Variants in PKHD1L1 observed in about 807,000 individuals in gnomAD.
The protein encoded by PKHD1L1 is PKHD1 like 1.
Under a neutral mutation model 462.9 loss-of-function variants are expected in PKHD1L1, and 434 were observed. The ratio of observed to expected loss-of-function variants is 0.94; its 90% CI spans 0.87 to 1.02. PKHD1L1 has a LOEUF of 1.02. Ranked by LOEUF, PKHD1L1 falls within the 50% of genes least tolerant of loss-of-function variation. PKHD1L1 has a pLI of 0.00. For missense variants in PKHD1L1, 5,202 were observed against 5,096.1 expected (o/e 1.02, Z -0.63); for synonymous variants, 1,781 against 1,750.0 (o/e 1.02, Z -0.44).
intron 50 of PKHD1L1, among the ~76,000 whole-genome samples, chr8:109,471,658 C>T (rs1817727561): frequency 6.6e-6 from 1 of 152,140 alleles, no homozygotes; most frequent in Admixed American, 6.6e-5. Context: ...GCCCATAGTG[C>T]TTCACAAAAT....
In PKHD1L1 at chr8:109,464,677, T is replaced by C. The variant is rs1428227291; in HGVS notation, c.7845T>C (p.Thr2615=). 14 of 1,613,590 alleles carry C rather than the reference T, an allele frequency of 8.7e-6. No individual in the cohort carries two copies. Among genetic ancestry groups the C allele is most frequent in the Admixed American group, 1.7e-5 (1 of 59,994 alleles). The change falls in exon 49 of 78, where the codon ACT becomes ACC. Residue 2615 remains threonine, a synonymous_variant. Coordinates refer to ENST00000378402, the MANE Select transcript of PKHD1L1 (RefSeq NM_177531.6). Reference sequence around the variant, plus strand: ...CCCTTGGCGAATTTTTTAACAATACTGTCCATTCTCAAGGTTGGTTTGGAA... The same window carrying C: ...CCCTTGGCGAATTTTTTAACAATACCGTCCATTCTCAAGGTTGGTTTGGAA... The part of the protein sequence containing the change: ...RVPLGEFFNN[T]VHSQGWFGMW...
intron 67 of PKHD1L1, among the ~76,000 whole-genome samples, chr8:109,501,126 C>T (rs1819389398): frequency 6.7e-6 from 1 of 149,502 alleles, no homozygotes; most frequent in Admixed American, 6.6e-5. Flanking sequence ...TTGATATTTA[C>T]CACCATATAA....
intron 60 of PKHD1L1, among the ~76,000 whole-genome samples, chr8:109,490,302 A>C (rs1818764831): frequency 6.6e-6 from 1 of 151,836 alleles, no homozygotes; most frequent in Non-Finnish European, 1.5e-5. Context: ...TCAAAGATCT[A>C]TAATAGTGGT....
chr8:109,522,157 T>C (rs1277336677), intron 73 of PKHD1L1, 29 bp from the exon 74 acceptor site: 1 of 1,557,206 alleles, frequency 6.4e-7, no homozygotes, highest in Non-Finnish European at 8.8e-7. Flanking sequence ...ACTTTTATAA[T>C]CCAAATGTCA....
At chr8:109,528,108 G>A (rs528925761) in intron 77 of PKHD1L1, among the ~76,000 whole-genome samples, 3 of 152,292 alleles carry the variant, frequency 2.0e-5, no homozygotes, top group African/African-American at 7.2e-5. Context: ...TATATGATTA[G>A]AGAAGACTGC....
intron 71 of PKHD1L1, among the ~76,000 whole-genome samples, chr8:109,514,302 C>T (rs1820153463): frequency 1.3e-5 from 2 of 152,144 alleles, no homozygotes; most frequent in Admixed American, 1.3e-4. Context: ...CCCTGATTTA[C>T]TTTTTTCTTT....
At chr8:109,497,318 A>G (rs1819147777) in intron 65 of PKHD1L1, 46 bp downstream of exon 65, 1 of 1,580,368 alleles carries the variant, frequency 6.3e-7, no homozygotes, top group African/African-American at 1.4e-5. Flanking sequence ...AATAACTTGG[A>G]GAAGGGTGGA....
intron 7 of PKHD1L1, 123 bp from the exon 8 acceptor site, chr8:109,388,956 G>A (rs780460428): frequency 1.3e-5 from 8 of 596,884 alleles, no homozygotes; most frequent in South Asian, 8.6e-5. Flanking sequence ...AGAAATTTTG[G>A]TTGTAGCAAC....
At chr8:109,475,847 CA>C (rs35419700) in intron 51 of PKHD1L1, among the ~76,000 whole-genome samples, 3,864 of 95,218 alleles carry the variant, frequency 0.041, 87 homozygotes, top group African/African-American at 0.084. Flanking sequence ...GACTCCATCT[CA>C]AAAAAAAAAA....
chr8:109,374,049 G>A (rs1301418826), intron 2 of PKHD1L1, among the ~76,000 whole-genome samples: 2 of 152,056 alleles, frequency 1.3e-5, no homozygotes, highest in African/African-American at 4.8e-5. Context: ...TTCAATTCCT[G>A]GATATCCTTG....
intron 18 of PKHD1L1, 146 bp downstream of exon 18, chr8:109,408,352 T>C (rs1200347647): frequency 1.3e-6 from 1 of 746,968 alleles, no homozygotes; most frequent in Non-Finnish European, 2.0e-6. Flanking sequence ...CACCACAATT[T>C]ATATACTGTG....
intron 19 of PKHD1L1, among the ~76,000 whole-genome samples, chr8:109,411,676 A>T (rs1241844444): frequency 6.6e-6 from 1 of 151,730 alleles, no homozygotes; most frequent in Admixed American, 6.6e-5. Flanking sequence ...CACATTTTGG[A>T]CTCTCTCTGA....
intron 77 of PKHD1L1, among the ~76,000 whole-genome samples, chr8:109,528,638 ACTCTACATTTAATTCTCCT>A (rs1318621456): frequency 2.0e-5 from 3 of 151,102 alleles, no homozygotes; most frequent in Non-Finnish European, 4.4e-5. Context: ...CTTCCTTCCC[ACTCTACATTTAATTCTCCT>A]CTCCCTTGGT....
intron 9 of PKHD1L1, among the ~76,000 whole-genome samples, chr8:109,391,087 C>T (rs562505194): frequency 1.3e-5 from 2 of 152,118 alleles, no homozygotes; most frequent in Non-Finnish European, 1.5e-5. Context: ...GTTGAAACCC[C>T]ATATTATAGA....
rs1811027273 is a variant in PKHD1L1 at position 109,362,478 on chromosome 8, G to A, written c.-103G>A. On this transcript the variant is annotated 5_prime_UTR_variant, in exon 1 of 78. Coordinates refer to ENST00000378402, the MANE Select transcript of PKHD1L1 (RefSeq NM_177531.6). The stretch of plus-strand genomic sequence containing the variant: ...GCGGCCCAGTTCCCCAGCTCTCCCG[G>A]GACGAAGCGGGCCCGCCAGCGAGTC... 8.4e-7 allele frequency: 1 copy of A among 1,190,924 alleles called. No individual in the cohort carries two copies. Among genetic ancestry groups the A allele is most frequent in the Non-Finnish European group, 1.2e-6 (1 of 828,532 alleles). The allele number at this position is 1,190,924 out of a possible 1,614,324, so 73.8% of individuals were successfully genotyped here.
chr8:109,473,094 T>A (rs1817805425), intron 50 of PKHD1L1, among the ~76,000 whole-genome samples: 2 of 152,134 alleles, frequency 1.3e-5, no homozygotes, highest in Non-Finnish European at 2.9e-5. Flanking sequence ...AAAACCAACA[T>A]ACTTGAAATG....
At chr8:109,480,788 G>A (rs1818237911) in intron 55 of PKHD1L1, 2 of 262,848 alleles carry the variant, frequency 7.6e-6, no homozygotes, top group Admixed American at 4.5e-5. Context: ...CCAGAAACTT[G>A]GTTATTAATA....
Position 109,466,686 on chromosome 8 carries a change from C to T in PKHD1L1, c.8522C>T (p.Ser2841Leu), listed in dbSNP as rs1169293829. The change falls in exon 50 of 78, where the codon TCA becomes TTA. Residue 2841 changes from serine to leucine, a missense_variant. Transcript: ENST00000378402. Reference sequence around the variant, plus strand: ...TTCCCTGGATCAGTCTGTGATGCTTCAGTCAGCTTTCACCGTTTAGCGTTC... The same window carrying T: ...TTCCCTGGATCAGTCTGTGATGCTTTAGTCAGCTTTCACCGTTTAGCGTTC... ...IGFPGSVCDA[S>L]VSFHRLAFNQ... 2.5e-6 allele frequency: 4 copies of T among 1,612,652 alleles called. No individual in the cohort carries two copies. The highest frequency in any genetic ancestry group is 3.4e-6 in the Non-Finnish European group (4 of 1,179,360).
chr8:109,388,890 G>A (rs1457291), intron 7 of PKHD1L1, among the ~76,000 whole-genome samples, 189 bp from the exon 8 acceptor site: 84,877 of 151,898 alleles, frequency 0.56, 23,879 homozygotes, highest in South Asian at 0.65. Context: ...TTTTATTGTT[G>A]TATAAAATTT....
Sources: gnomAD v4.1 joint callset for allele counts (sites outside exome capture counted in the v4.1 genomes callset) on GRCh38, gnomAD v4.1.1 for gene constraint, MANE v1.5 for transcripts, NCBI Gene and HGNC (gene_info 2026-07-23, HGNC 2026-07-21) for gene names.